SMARCA2: variants seen among roughly 807,000 people sequenced by gnomAD.
The protein encoded by SMARCA2 is SWI/SNF-related matrix-associated actin-dependent regulator of chromatin subfamily A member 2.
SMARCA2 carries 61 observed loss-of-function variants against 199.8 expected under a neutral mutation model. The observed-to-expected ratio is 0.31, with a 90% CI of 0.25 to 0.38. The LOEUF (loss-of-function observed/expected upper bound fraction) is 0.38. Among genes scored for constraint, SMARCA2 ranks in the 10% least tolerant of loss-of-function variants. The pLI, the probability that SMARCA2 is intolerant of heterozygous loss-of-function variation, is 1.00. For missense variants in SMARCA2, 1,344 were observed against 2,012.2 expected, an observed-to-expected ratio of 0.67 and a Z score of 6.35; for synonymous variants, 935 against 732.0, an observed-to-expected ratio of 1.28 and a Z score of -4.48.
intron 27 of SMARCA2, among the ~76,000 whole-genome samples, chr9:2,141,372 A>T (rs1824452238): frequency 6.6e-6 from 1 of 152,192 alleles, no homozygotes; most frequent in Non-Finnish European, 1.5e-5. Flanking sequence ...TTAGTTAATG[A>T]CAGGTGTATT....
chr9:2,111,902 A>G (rs949199950), intron 24 of SMARCA2, among the ~76,000 whole-genome samples: 5 of 152,168 alleles, frequency 3.3e-5, no homozygotes, highest in African/African-American at 1.2e-4. Flanking sequence ...TGTACTTACC[A>G]TTCTCTGTAG....
chr9:2,147,322 C>T (rs906782484), intron 27 of SMARCA2, among the ~76,000 whole-genome samples: 1 of 150,508 alleles, frequency 6.6e-6, no homozygotes, highest in South Asian at 2.1e-4. Flanking sequence ...CAGATGCCTT[C>T]TTAAATAATC....
intron 25 of SMARCA2, among the ~76,000 whole-genome samples, chr9:2,117,463 G>C (rs753581673): frequency 1.2e-4 from 18 of 152,118 alleles, no homozygotes; most frequent in Non-Finnish European, 2.5e-4. Context: ...TACAGATATG[G>C]AGTCAAATTG....
rs1301673156 is a variant in SMARCA2, at chr9:2,191,377, A to T, written c.4706A>T (p.Asp1569Val). Reference sequence around the variant, plus strand: ...GGAAAAGCCAAACCTGTAGTGAGCGATTTTGACAGCGATGAGGAGCAGGAT... The same window carrying T: ...GGAAAAGCCAAACCTGTAGTGAGCGTTTTTGACAGCGATGAGGAGCAGGAT... ...NRGKAKPVVS[D>V]FDSDEEQDER... Residue 1569 changes from aspartate (D) to valine (V), a missense_variant, in exon 33 of 34, where the codon GAT becomes GTT. Around this residue, in one of 18 missense-constraint regions of SMARCA2, gnomAD observed 155 missense variants for 121.1 expected, o/e 1.28. Transcript: ENST00000349721. The T allele has an allele frequency of 6.2e-7, 1 of 1,614,216 alleles. No individual in the cohort carries two copies. The highest frequency in any genetic ancestry group is 2.2e-5 in the East Asian group (1 of 44,886).
chr9:2,131,760 C>G (rs60054856), intron 27 of SMARCA2, among the ~76,000 whole-genome samples: 2,388 of 152,102 alleles, frequency 0.016, 59 homozygotes, highest in African/African-American at 0.054. Flanking sequence ...GCCAGCATGG[C>G]GAAACCCCGT....
intron 27 of SMARCA2, chr9:2,159,947 T>C: frequency 1.3e-6 from 2 of 1,584,928 alleles, no homozygotes; most frequent in Non-Finnish European, 1.7e-6. Flanking sequence ...GAAGATTCAG[T>C]AGAACTACAT....
chr9:2,041,944 C>T (rs556037704), intron 4 of SMARCA2: 1 of 152,184 alleles, frequency 6.6e-6, no homozygotes, highest in Non-Finnish European at 1.5e-5. Context: ...TGTCACACAA[C>T]TAATGATGGA....
At chr9:2,131,522 T>C (rs1296678798) in intron 27 of SMARCA2, among the ~76,000 whole-genome samples, 2 of 152,180 alleles carry the variant, frequency 1.3e-5, no homozygotes, top group Non-Finnish European at 2.9e-5. Context: ...AAGAGGAACT[T>C]TGCAGAAAGA....
chr9:2,058,108 C>G, intron 7 of SMARCA2, 183 bp from the exon 8 acceptor site: 1 of 568,116 alleles, frequency 1.8e-6, no homozygotes, highest in South Asian at 2.3e-5. Flanking sequence ...GGCTATCTTT[C>G]CCACCAGCCC....
intron 1 of SMARCA2, among the ~76,000 whole-genome samples, chr9:2,019,091 A>C (rs1818488448): frequency 6.6e-6 from 1 of 152,136 alleles, no homozygotes; most frequent in South Asian, 2.1e-4. Flanking sequence ...GAGGGGATTT[A>C]GAGACACCTG....
At position 2,033,098 on chromosome 9, in the gene SMARCA2, C is replaced by T. The variant is rs950013990; in HGVS notation, c.355+17C>T. 3.7e-6 allele frequency: 6 copies of T among 1,611,460 alleles called. No homozygotes were observed. Among genetic ancestry groups the T allele is most frequent in the South Asian group, 1.1e-5 (1 of 90,664 alleles). The stretch of plus-strand genomic sequence containing the variant: ...ACAGCCAAGGTTTGTGTCCGCTGCA[C>T]ACCTGATACTGGTTCCCCAGCATAG... On this transcript the variant is annotated intron_variant, in intron 3 of 33. Transcript: ENST00000349721.
rs1822952829 is a variant in SMARCA2, at chr9:2,110,636, C to T, written c.3456+219C>T. ...AGAGCTGAAGTTTGAGGTAGAAAAA[C>T]TTAGTTTCTCCTTAGTTTTAATCCC... On this transcript the variant is annotated intron_variant, in intron 24 of 33. Transcript: ENST00000349721. The surrounding 1 kb of genome is among the most constrained non-coding windows in gnomAD (Gnocchi z 4.8). Among the ~76,000 whole-genome samples the T allele has an allele frequency of 1.3e-5, 2 of 152,194 alleles. No homozygotes were observed. Among genetic ancestry groups the T allele is most frequent in the Non-Finnish European group, 1.5e-5 (1 of 68,038 alleles).
At chr9:2,171,246 T>TA (rs937781203) in intron 29 of SMARCA2, among the ~76,000 whole-genome samples, 13 of 151,346 alleles carry the variant, frequency 8.6e-5, no homozygotes, top group Non-Finnish European at 1.8e-4. Flanking sequence ...AACCTGTACT[T>TA]AAAAAAAAAG....
chr9:2,116,213 A>T (rs1031057786), intron 25 of SMARCA2, among the ~76,000 whole-genome samples, 164 bp downstream of exon 25: 2 of 152,240 alleles, frequency 1.3e-5, no homozygotes, highest in African/African-American at 4.8e-5. Flanking sequence ...TGTGAAAGTT[A>T]TCCAAAATGA....
intron 2 of SMARCA2, 45 bp from the exon 3 acceptor site, chr9:2,032,907 T>C: frequency 6.4e-7 from 1 of 1,572,230 alleles, no homozygotes; most frequent in Non-Finnish European, 8.7e-7. Flanking sequence ...ATAGAAATAT[T>C]TTACCTTATA....
At chr9:2,114,171 T>C (rs74654339) in intron 24 of SMARCA2, among the ~76,000 whole-genome samples, 4,178 of 152,284 alleles carry the variant, frequency 0.027, 196 homozygotes, top group African/African-American at 0.095. Flanking sequence ...AAAGGAACTT[T>C]AGGGTGTTTT....
chr9:2,080,385 C>G (rs1226571210), intron 14 of SMARCA2, among the ~76,000 whole-genome samples: 1 of 152,198 alleles, frequency 6.6e-6, no homozygotes, highest in Non-Finnish European at 1.5e-5. Context: ...GTTTCTACTT[C>G]TGTTTTGTAT....
At chr9:2,099,839 A>T (rs930794832) in intron 21 of SMARCA2, among the ~76,000 whole-genome samples, 3 of 152,170 alleles carry the variant, frequency 2.0e-5, no homozygotes, top group African/African-American at 7.2e-5. Context: ...TATTTTTAAC[A>T]TGATGCTGTT....
chr9:2,160,365 G>A, intron 27 of SMARCA2: 1 of 527,044 alleles, frequency 1.9e-6, no homozygotes, highest in Non-Finnish European at 3.4e-6. Flanking sequence ...CTGTCTGTGT[G>A]CATGTTGCTT....
Sources: gnomAD v4.1 joint callset for allele counts (sites outside exome capture counted in the v4.1 genomes callset) on GRCh38, gnomAD v4.1.1 for gene constraint, gnomAD v4.1.1 regional missense constraint, Gnocchi (gnomAD v3.1) non-coding constraint, MANE v1.5 for transcripts, NCBI Gene and HGNC (gene_info 2026-07-23, HGNC 2026-07-21) for gene names.